Variants in NRP2 observed in about 807,000 individuals in gnomAD.
The protein encoded by NRP2 is neuropilin 2.
Under a neutral mutation model 110.4 loss-of-function variants are expected in NRP2, and 52 were observed. The ratio of observed to expected loss-of-function variants is 0.47; its 90% CI spans 0.38 to 0.59. The LOEUF (loss-of-function observed/expected upper bound fraction) is 0.59. Ranked by LOEUF, NRP2 falls within the 20% of genes least tolerant of loss-of-function variation. The pLI is 0.00. For missense variants in NRP2, 1,049 were observed against 1,203.0 expected (o/e 0.87, Z 1.89); for synonymous variants, 508 against 468.9 (o/e 1.08, Z -1.08).
At chr2:205,684,476 A>C (rs2056096875) in intron 1 of NRP2, among the ~76,000 whole-genome samples, 1 of 152,096 alleles carries the variant, frequency 6.6e-6, no homozygotes, top group African/African-American at 2.4e-5. Context: ...GGTAGAGCTA[A>C]CTCTGCAGCC....
intron 3 of NRP2, among the ~76,000 whole-genome samples, chr2:205,716,806 A>C (rs961698022): frequency 2.6e-5 from 4 of 152,182 alleles, no homozygotes; most frequent in Non-Finnish European, 2.9e-5. Context: ...TGGAGTCTCT[A>C]AAGATCTTGC....
At chr2:205,707,114 A>G (rs2056694689) in intron 2 of NRP2, among the ~76,000 whole-genome samples, 1 of 152,134 alleles carries the variant, frequency 6.6e-6, no homozygotes, top group Non-Finnish European at 1.5e-5. Context: ...CAACATTCCT[A>G]AATGCTTGCT....
chr2:205,795,250 C>T lies in NRP2; in HGVS notation c.*192C>T, dbSNP rs980301375. ...TGCAGCCGCACAGGGGATGATTACC[C>T]TCCTAGGACCGCGGTGGCTAAGTCA... On this transcript the variant is annotated 3_prime_UTR_variant, in exon 17 of 17. Coordinates refer to ENST00000357785, the MANE Select transcript of NRP2 (RefSeq NM_003872.3). 4 of 646,130 alleles carry T rather than the reference C, an allele frequency of 6.2e-6. No homozygotes were observed. Among genetic ancestry groups the T allele is most frequent in the Non-Finnish European group, 1.1e-5 (4 of 364,300 alleles). The allele number at this position is 646,130 out of a possible 1,614,324, so 40.0% of individuals were successfully genotyped here.
At chr2:205,742,149 A>C (rs1370432826) in intron 8 of NRP2, among the ~76,000 whole-genome samples, 1 of 152,234 alleles carries the variant, frequency 6.6e-6, no homozygotes, top group Non-Finnish European at 1.5e-5. Flanking sequence ...GTGATTTTGA[A>C]GAAGGGGAAC....
rs372470039 is a variant in NRP2 at position 205,794,875 on chromosome 2, C to T, written c.2598C>T (p.Ala866=). 7.4e-6 allele frequency: 12 copies of T among 1,614,102 alleles called. No homozygotes were observed. Among genetic ancestry groups the T allele is most frequent in the Admixed American group, 3.3e-5 (2 of 60,012 alleles). The stretch of plus-strand genomic sequence containing the variant: ...ATCCCATCCTCATCACCATCATCGC[C>T]ATGAGCTCACTGGGCGTCCTCCTGG... ...TLDPILITII[A]MSSLGVLLGA... The change falls in exon 17 of 17, where the codon GCC becomes GCT. Residue 866 remains alanine, a synonymous_variant. Coordinates refer to ENST00000357785, the MANE Select transcript of NRP2 (RefSeq NM_003872.3).
Position 205,716,333 on chromosome 2 carries a change from AG to A in NRP2, c.397del (p.Ala133GlnfsTer60). ...YIKFTSDYAR[Q>X]GAGFSLRYEI... is the part of the protein sequence containing the mutation. ...AAGTTCACCTCCGACTACGCCCGGCAGGGGGCAGGCTTCTCTCTGCGCTACG... is the reference window on the plus strand; with the variant it reads ...AAGTTCACCTCCGACTACGCCCGGCAGGGGCAGGCTTCTCTCTGCGCTACG... On this transcript the variant is annotated frameshift_variant, in exon 3 of 17. Coordinates refer to ENST00000357785, the MANE Select transcript of NRP2 (RefSeq NM_003872.3). LOFTEE classifies it high-confidence loss of function. 6.2e-7 allele frequency: 1 copy of A among 1,614,064 alleles called. No individual in the cohort carries two copies. The highest frequency in any genetic ancestry group is 8.5e-7 in the Non-Finnish European group (1 of 1,180,022).
At chr2:205,710,885 T>C (rs1285337718) in intron 2 of NRP2, among the ~76,000 whole-genome samples, 1 of 152,232 alleles carries the variant, frequency 6.6e-6, no homozygotes, top group East Asian at 1.9e-4. Context: ...TATGGAACTT[T>C]GAAAGTGTGA....
chr2:205,752,887 G>C lies in NRP2; in HGVS notation c.1956G>C (p.Glu652Asp). The C allele has an allele frequency of 6.2e-7, 1 of 1,614,194 alleles. No individual in the cohort carries two copies. The highest frequency in any genetic ancestry group is 8.5e-7 in the Non-Finnish European group (1 of 1,180,048). ...TCAATTGCAACTTCGATTTCCTCGA[G>C]GAGCCCTGTGGTTGGATGTATGACC... ...SGFNCNFDFL[E>D]EPCGWMYDHA... is the part of the protein sequence containing the mutation. Residue 652 changes from glutamate to aspartate, a missense_variant, in exon 12 of 17, where the codon GAG becomes GAC. Transcript: ENST00000357785.
In NRP2 at chr2:205,796,434, A is replaced by G. The variant is rs1228434668; in HGVS notation, c.*1376A>G. 6.6e-6 allele frequency: 1 copy of G among 152,426 alleles called. No individual in the cohort carries two copies. Among genetic ancestry groups the G allele is most frequent in the Non-Finnish European group, 1.5e-5 (1 of 67,992 alleles). 9.4% of individuals were successfully genotyped at this position (152,426 alleles called of 1,614,324 possible). ...CGCATACACACATGCACGCACACAC[A>G]CATACACACATGCACGCACGCACGC... On this transcript the variant is annotated 3_prime_UTR_variant, in exon 17 of 17. Transcript: ENST00000357785.
At position 205,684,394 on chromosome 2, in the gene NRP2, G is replaced by A. The variant is rs116510473; in HGVS notation, c.73+1031G>A. ...TGGAGAAACCATCTATGGAGGAAATGGGTGAAAGAAAGGCGAAAAAGCCTT... is the reference window on the plus strand; with the variant it reads ...TGGAGAAACCATCTATGGAGGAAATAGGTGAAAGAAAGGCGAAAAAGCCTT... On this transcript the variant is annotated intron_variant, in intron 1 of 16. Transcript: ENST00000357785. Among the ~76,000 whole-genome samples the A allele has an allele frequency of 3.7e-3, 560 of 152,280 alleles. 2 individuals are homozygous for A. Among genetic ancestry groups the A allele is most frequent in the Non-Finnish European group, 6.0e-3 (411 of 68,026 alleles).
intron 2 of NRP2, among the ~76,000 whole-genome samples, chr2:205,709,017 G>A (rs1209104367): frequency 6.6e-6 from 1 of 152,248 alleles, no homozygotes; most frequent in Non-Finnish European, 1.5e-5. Context: ...AGCATGTACT[G>A]TGTGCCATAC....
intron 10 of NRP2, 52 bp downstream of exon 10, chr2:205,745,942 C>T: frequency 6.2e-7 from 1 of 1,607,962 alleles, no homozygotes; most frequent in East Asian, 2.2e-5. Flanking sequence ...TCCTCTGACC[C>T]TGGCATCCCA....
At chr2:205,738,468 C>T (rs2057384608) in intron 7 of NRP2, among the ~76,000 whole-genome samples, 1 of 152,196 alleles carries the variant, frequency 6.6e-6, no homozygotes, top group Admixed American at 6.5e-5. Flanking sequence ...AATCTCTTTT[C>T]TTTGGATCCA....
rs1003220013 is a variant in NRP2, at chr2:205,686,930, CG to C, written c.73+3573del. 6.6e-6 allele frequency among the ~76,000 whole-genome samples: 1 copy of C among 152,140 alleles called. No homozygotes were observed. The highest frequency in any genetic ancestry group is 1.5e-5 in the Non-Finnish European group (1 of 68,024). ...CTTTGCTAGAGTTAATCATGATCTG[CG>C]GGGGGACTGGGTTTTGCTCAGAAAA... On this transcript the variant is annotated intron_variant, in intron 1 of 16. Transcript: ENST00000357785. This position sits in a 1 kb window ranked among gnomAD's most constrained non-coding sequence, Gnocchi z 4.7.
chr2:205,754,642 C>A (rs2057703989), intron 12 of NRP2, among the ~76,000 whole-genome samples: 1 of 152,278 alleles, frequency 6.6e-6, no homozygotes, highest in South Asian at 2.1e-4. Flanking sequence ...CTGGATTTTT[C>A]ATTTCATTTC....
intron 7 of NRP2, among the ~76,000 whole-genome samples, chr2:205,736,948 T>A (rs2057354665): frequency 6.6e-6 from 1 of 152,194 alleles, no homozygotes; most frequent in African/African-American, 2.4e-5. Flanking sequence ...ATTTACTAGC[T>A]ATAAATAGGG....
intron 12 of NRP2, 103 bp downstream of exon 12, chr2:205,753,078 G>A (rs2057676871): frequency 6.9e-6 from 10 of 1,452,346 alleles, no homozygotes; most frequent in Non-Finnish European, 8.6e-6. Context: ...CCACCGCACA[G>A]CAATCCTCTA....
chr2:205,772,267 C>T (rs1355603771), intron 15 of NRP2, among the ~76,000 whole-genome samples: 1 of 152,266 alleles, frequency 6.6e-6, no homozygotes, highest in Non-Finnish European at 1.5e-5. Flanking sequence ...GCCGTTGTTA[C>T]AGACACGTTT....
intron 11 of NRP2, among the ~76,000 whole-genome samples, chr2:205,752,105 C>A (rs1384994494): frequency 6.6e-6 from 1 of 152,202 alleles, no homozygotes; most frequent in Non-Finnish European, 1.5e-5. Flanking sequence ...GGAAAGCATT[C>A]TCTACCTCCC....
Sources: allele counts gnomAD v4.1 joint callset (sites outside exome capture counted in the v4.1 genomes callset), GRCh38; gene constraint gnomAD v4.1.1; non-coding constraint Gnocchi (gnomAD v3.1); transcripts MANE v1.5; gene names NCBI Gene and HGNC (gene_info 2026-07-23, HGNC 2026-07-21).